The following VPS8 variants were observed in gnomAD, a reference collection of about 807,000 sequenced individuals.
VPS8 encodes VPS8 subunit of CORVET complex.
In VPS8, 129 loss-of-function variants were observed where a neutral mutation model predicts 216.4. The ratio of observed to expected loss-of-function variants is 0.60; its 90% CI spans 0.52 to 0.69. The LOEUF is 0.69. Among genes scored for constraint, VPS8 ranks in the 30% least tolerant of loss-of-function variants. VPS8 has a pLI of 0.00. For missense variants in VPS8, 1,531 were observed against 1,683.5 expected (o/e 0.91, Z 1.59); for synonymous variants, 571 against 565.4 (o/e 1.01, Z -0.14).
At chr3:184,813,316 A>C (rs1293285263) in intron 1 of VPS8, among the ~76,000 whole-genome samples, 1 of 152,154 alleles carries the variant, frequency 6.6e-6, no homozygotes, top group Non-Finnish European at 1.5e-5. Flanking sequence ...AACCCAAGCA[A>C]AACAAGCATG....
At chr3:184,899,693 C>T (rs528906492) in intron 24 of VPS8, among the ~76,000 whole-genome samples, 1 of 152,206 alleles carries the variant, frequency 6.6e-6, no homozygotes, top group Non-Finnish European at 1.5e-5. Flanking sequence ...GGTCCAGTGC[C>T]TCCCTGCATG....
At chr3:184,965,925 T>G (rs1364656874) in intron 38 of VPS8, among the ~76,000 whole-genome samples, 1 of 152,206 alleles carries the variant, frequency 6.6e-6, no homozygotes, top group East Asian at 1.9e-4. Context: ...TAGTTGATGA[T>G]TTTAGCTTAT....
intron 34 of VPS8, among the ~76,000 whole-genome samples, chr3:184,933,322 C>G (rs562510102): frequency 7.9e-5 from 12 of 152,206 alleles, no homozygotes; most frequent in African/African-American, 2.9e-4. Context: ...AGACTGACAG[C>G]CTTTTCATAT....
intron 37 of VPS8, 137 bp downstream of exon 37, chr3:184,957,658 G>C: frequency 9.2e-7 from 1 of 1,092,468 alleles, no homozygotes. Flanking sequence ...ACATACTCCT[G>C]AAAACAAAAG....
intron 34 of VPS8, among the ~76,000 whole-genome samples, chr3:184,931,190 T>C (rs1467294426): frequency 6.6e-6 from 1 of 152,222 alleles, no homozygotes. Flanking sequence ...AGTTTCCTTA[T>C]GTTCATAACA....
At chr3:184,848,379 A>G (rs1283466426) in intron 8 of VPS8, among the ~76,000 whole-genome samples, 2 of 152,152 alleles carry the variant, frequency 1.3e-5, no homozygotes, top group African/African-American at 2.4e-5. Flanking sequence ...TTGAAGTTTT[A>G]TAGTTATTTT....
chr3:184,957,076 C>G (rs1745730191), intron 36 of VPS8, among the ~76,000 whole-genome samples: 1 of 152,140 alleles, frequency 6.6e-6, no homozygotes, highest in Admixed American at 6.5e-5. Context: ...TTGGGTGGCT[C>G]TTGTTTCTTT....
At chr3:184,987,866 T>A (rs1452344093) in intron 42 of VPS8, among the ~76,000 whole-genome samples, 1 of 152,264 alleles carries the variant, frequency 6.6e-6, no homozygotes, top group Non-Finnish European at 1.5e-5. Flanking sequence ...TGAAAGTTCC[T>A]GTTGCTCCAT....
Position 184,936,251 on chromosome 3 carries a change from C to G in VPS8, c.2904C>G (p.Leu968=), listed in dbSNP as rs374095291. Residue 968 remains leucine, a synonymous_variant, in exon 35 of 48, where the codon CTC becomes CTG. Transcript: ENST00000625842. ...WQKAMDHIEE[L]VSLKPCKAAE... ...GTCTTTTCCTTTAACTCCAGGAACT[C>G]GTGTCCCTGAAGCCTTGTAAAGCTG... is the stretch of plus-strand genomic sequence containing the variant. The G allele has an allele frequency of 1.9e-6, 3 of 1,606,904 alleles. No homozygotes were observed. Among genetic ancestry groups the G allele is most frequent in the Admixed American group, 1.7e-5 (1 of 59,068 alleles).
chr3:184,839,037 G>A (rs925288125), intron 6 of VPS8: 3 of 297,138 alleles, frequency 1.0e-5, no homozygotes, highest in African/African-American at 4.4e-5. Context: ...TGCTTCTTCT[G>A]TGATTTGGCT....
chr3:184,835,647 T>G (rs1025938841), intron 5 of VPS8, among the ~76,000 whole-genome samples: 7 of 152,058 alleles, frequency 4.6e-5, no homozygotes, highest in Admixed American at 2.0e-4. Context: ...ATGTTCTTTT[T>G]GGGGCATTTA....
At chr3:184,932,011 A>G (rs1740775933) in intron 34 of VPS8, among the ~76,000 whole-genome samples, 1 of 152,128 alleles carries the variant, frequency 6.6e-6, no homozygotes. Flanking sequence ...AGCAAGAAGT[A>G]TTTTTGCTAC....
intron 26 of VPS8, 76 bp from the exon 27 acceptor site, chr3:184,914,905 G>A (rs924006556): frequency 7.1e-7 from 1 of 1,417,616 alleles, no homozygotes; most frequent in African/African-American, 1.4e-5. Flanking sequence ...TCTCAAGTTT[G>A]AGAAACAATG....
chr3:184,905,271 CTTT>C (rs1443404248), intron 25 of VPS8, among the ~76,000 whole-genome samples: 1 of 152,040 alleles, frequency 6.6e-6, no homozygotes, highest in East Asian at 1.9e-4. Flanking sequence ...AGTTTAGTTT[CTTT>C]GTTTGTTGGA....
At chr3:184,849,255 A>C (rs1723797540) in intron 9 of VPS8, 60 bp downstream of exon 9, 2 of 1,572,702 alleles carry the variant, frequency 1.3e-6, no homozygotes, top group Non-Finnish European at 1.7e-6. Flanking sequence ...AATTTACAAA[A>C]ACTTACATCT....
intron 5 of VPS8, among the ~76,000 whole-genome samples, chr3:184,835,129 C>A (rs1720788647): frequency 6.8e-6 from 1 of 147,066 alleles, no homozygotes; most frequent in Non-Finnish European, 1.5e-5. Flanking sequence ...GAATCTTTTA[C>A]AACTGAATGA....
chr3:184,842,369 T>C (rs1458239943), intron 7 of VPS8, among the ~76,000 whole-genome samples: 1 of 151,290 alleles, frequency 6.6e-6, no homozygotes, highest in Non-Finnish European at 1.5e-5. Flanking sequence ...TTTTTTTTTT[T>C]AGACCCCAGT....
chr3:184,938,326 T>G (rs1316201577), intron 35 of VPS8, among the ~76,000 whole-genome samples: 1 of 152,206 alleles, frequency 6.6e-6, no homozygotes, highest in Admixed American at 6.5e-5. Flanking sequence ...AAACATTAAG[T>G]GCTGAGGATA....
chr3:185,032,506 C>A (rs1416147739), intron 46 of VPS8, among the ~76,000 whole-genome samples: 3 of 152,018 alleles, frequency 2.0e-5, no homozygotes, highest in Non-Finnish European at 2.9e-5. Flanking sequence ...TTGTGGTCAG[C>A]CGATTCTCAG....
Sources: gnomAD v4.1 joint callset for allele counts (sites outside exome capture counted in the v4.1 genomes callset) on GRCh38, gnomAD v4.1.1 for gene constraint, MANE v1.5 for transcripts, NCBI Gene and HGNC (gene_info 2026-07-23, HGNC 2026-07-21) for gene names.